LRFN2: variants seen among roughly 807,000 people sequenced by gnomAD.
The protein encoded by LRFN2 is leucine rich repeat and fibronectin type III domain containing 2, also known as leucine-rich repeat and fibronectin type-III domain-containing protein 2.
Under a neutral mutation model 37.3 loss-of-function variants are expected in LRFN2, and 18 were observed. The observed-to-expected ratio is 0.48, with a 90% CI of 0.33 to 0.72. LRFN2 has a LOEUF of 0.72. Ranked by LOEUF, LRFN2 falls within the 30% of genes least tolerant of loss-of-function variation. The pLI, the probability that LRFN2 is intolerant of heterozygous loss-of-function variation, is 0.02. For synonymous variants in LRFN2, 556 were observed against 466.6 expected, an observed-to-expected ratio of 1.19 and a Z score of -2.47; for missense variants, 1,006 against 1,060.7, an observed-to-expected ratio of 0.95 and a Z score of 0.72.
chr6:40,585,156 C>A (rs1215226369), intron 1 of LRFN2, among the ~76,000 whole-genome samples: 1 of 152,216 alleles, frequency 6.6e-6, no homozygotes, highest in Non-Finnish European at 1.5e-5. Flanking sequence ...GGGAGCCAAC[C>A]TTCCAGAGGC....
Position 40,575,084 on chromosome 6 carries a change from G to T in LRFN2, c.-19+11857C>A, listed in dbSNP as rs1356620665. On this transcript the variant is annotated intron_variant, in intron 1 of 2. Coordinates refer to ENST00000338305, the MANE Select transcript of LRFN2 (RefSeq NM_020737.3). ...AGGATGTGAGGATCTGGAGAGGAAG[G>T]ACTCCTCAGGATGGTCTACACAAGA... is the stretch of plus-strand genomic sequence containing the variant. 4.6e-5 allele frequency among the ~76,000 whole-genome samples: 7 copies of T among 152,136 alleles called. No homozygotes were observed. In the South Asian group the frequency reaches 1.2e-3, roughly 27 times the overall value.
At chr6:40,402,259 A>G (rs2113797883) in intron 2 of LRFN2, among the ~76,000 whole-genome samples, 1 of 152,336 alleles carries the variant, frequency 6.6e-6, no homozygotes, top group East Asian at 1.9e-4. Context: ...CCCTTATTAC[A>G]GATGAAGAAA....
At chr6:40,487,915 C>T (rs1765002807) in intron 1 of LRFN2, among the ~76,000 whole-genome samples, 1 of 152,166 alleles carries the variant, frequency 6.6e-6, no homozygotes, top group South Asian at 2.1e-4. Context: ...CCAATCTCAG[C>T]CTTGAGCCTG....
chr6:40,476,737 C>T (rs758736795), intron 1 of LRFN2, among the ~76,000 whole-genome samples: 6 of 152,248 alleles, frequency 3.9e-5, no homozygotes, highest in African/African-American at 7.2e-5. Flanking sequence ...TTCCTCTCAT[C>T]GTCACTTTAC....
At chr6:40,524,182 C>T (rs988935005) in intron 1 of LRFN2, among the ~76,000 whole-genome samples, 21 of 152,204 alleles carry the variant, frequency 1.4e-4, no homozygotes, top group Non-Finnish European at 2.5e-4. Flanking sequence ...AATAAAACTA[C>T]ATCCCAATTT....
chr6:40,510,066 A>T (rs908480318), intron 1 of LRFN2, among the ~76,000 whole-genome samples: 19 of 149,828 alleles, frequency 1.3e-4, no homozygotes, highest in Admixed American at 9.3e-4. Flanking sequence ...AGCTGAGTGC[A>T]TGCATGTGGG....
chr6:40,540,315 T>C (rs1283563044), intron 1 of LRFN2, among the ~76,000 whole-genome samples: 1 of 152,160 alleles, frequency 6.6e-6, no homozygotes, highest in Non-Finnish European at 1.5e-5. Flanking sequence ...GGCCAGCCCG[T>C]CCCTCCTCTG....
In LRFN2 at chr6:40,557,404, C is replaced by G. The variant is rs149598104; in HGVS notation, c.-19+29537G>C. ...ACCATGGTGGTAATGGTGGCGGGGT[C>G]AAGGCTACCACTGCTGGCCTTTATC... On this transcript the variant is annotated intron_variant, in intron 1 of 2. Coordinates refer to ENST00000338305, the MANE Select transcript of LRFN2 (RefSeq NM_020737.3). Among the ~76,000 whole-genome samples the G allele has an allele frequency of 9.9e-5, 15 of 152,254 alleles. No individual in the cohort carries two copies. In the East Asian group the frequency reaches 2.9e-3, roughly 29 times the overall value.
At chr6:40,464,323 A>G (rs987948670) in intron 1 of LRFN2, among the ~76,000 whole-genome samples, 3 of 152,196 alleles carry the variant, frequency 2.0e-5, no homozygotes, top group African/African-American at 7.2e-5. Flanking sequence ...CTTAAAGTTC[A>G]TGTGTTGGAA....
intron 1 of LRFN2, among the ~76,000 whole-genome samples, chr6:40,445,225 C>G (rs138968823): frequency 6.6e-6 from 1 of 152,290 alleles, no homozygotes; most frequent in South Asian, 2.1e-4. Flanking sequence ...GTGTTTTACA[C>G]GTTATTTCAT....
intron 1 of LRFN2, among the ~76,000 whole-genome samples, chr6:40,477,787 C>T (rs1304282471): frequency 6.6e-6 from 1 of 152,172 alleles, no homozygotes; most frequent in African/African-American, 2.4e-5. Flanking sequence ...GAGTGTTTTG[C>T]TGAAAGAGCT....
chr6:40,488,430 C>T (rs763182338), intron 1 of LRFN2, among the ~76,000 whole-genome samples: 15 of 151,820 alleles, frequency 9.9e-5, no homozygotes, highest in Admixed American at 3.9e-4. Context: ...GTGATCCTGT[C>T]CTCTGCTGAA....
At chr6:40,424,836 G>T (rs1418545744) in intron 2 of LRFN2, among the ~76,000 whole-genome samples, 1 of 152,180 alleles carries the variant, frequency 6.6e-6, no homozygotes, top group South Asian at 2.1e-4. Flanking sequence ...GTCCCTAACA[G>T]CTTCTCCCTT....
At chr6:40,515,758 T>A (rs1395932540) in intron 1 of LRFN2, among the ~76,000 whole-genome samples, 1 of 151,822 alleles carries the variant, frequency 6.6e-6, no homozygotes, top group African/African-American at 2.4e-5. Context: ...CCAGGCGTGG[T>A]GCCATGTGAC....
chr6:40,566,893 T>G (rs958411062), intron 1 of LRFN2, among the ~76,000 whole-genome samples: 4 of 151,944 alleles, frequency 2.6e-5, no homozygotes, highest in African/African-American at 9.7e-5. Context: ...ATAATAATAA[T>G]AATAAAAGAA....
intron 1 of LRFN2, among the ~76,000 whole-genome samples, chr6:40,552,850 C>T (rs1766802324): frequency 2.0e-5 from 3 of 152,204 alleles, no homozygotes. Flanking sequence ...CAGTTCCCAT[C>T]ATGTACTATG....
intron 2 of LRFN2, among the ~76,000 whole-genome samples, chr6:40,431,135 T>C (rs1334900140): frequency 6.6e-6 from 1 of 152,096 alleles, no homozygotes; most frequent in Non-Finnish European, 1.5e-5. Context: ...TTGATTCAGT[T>C]ACCAAAACTG....
intron 1 of LRFN2, among the ~76,000 whole-genome samples, chr6:40,471,380 C>T (rs575888097): frequency 1.3e-5 from 2 of 152,302 alleles, no homozygotes; most frequent in East Asian, 1.9e-4. Flanking sequence ...TAGGCTGCCA[C>T]GGTTCAGGGA....
At chr6:40,419,580 G>A (rs1344939732) in intron 2 of LRFN2, among the ~76,000 whole-genome samples, 1 of 152,208 alleles carries the variant, frequency 6.6e-6, no homozygotes, top group African/African-American at 2.4e-5. Context: ...GCCACCTAGA[G>A]TTTGAGGTTC....
Sources: gnomAD v4.1 joint callset for allele counts (sites outside exome capture counted in the v4.1 genomes callset) on GRCh38, gnomAD v4.1.1 for gene constraint, MANE v1.5 for transcripts, NCBI Gene and HGNC (gene_info 2026-07-23, HGNC 2026-07-21) for gene names.